The following EVL variants were observed in gnomAD, a reference collection of about 807,000 sequenced individuals.
EVL encodes the protein ena/VASP-like protein.
Under a neutral mutation model 59.6 loss-of-function variants are expected in EVL, and 21 were observed. The observed-to-expected ratio is 0.35, with a 90% confidence interval of 0.25 to 0.51. The LOEUF (loss-of-function observed/expected upper bound fraction) is 0.51. Ranked by LOEUF, EVL falls within the 20% of genes least tolerant of loss-of-function variation. The probability of loss-of-function intolerance (pLI) is 0.97; values close to 1 mark genes in which losing one functional copy is unlikely to be tolerated. For missense variants in EVL, 462 were observed against 546.6 expected, an observed-to-expected ratio of 0.85 and a Z score of 1.54; for synonymous variants, 198 against 203.5, an observed-to-expected ratio of 0.97 and a Z score of 0.23.
At chr14:100,065,263 T>C, upstream of EVL, 1 of 257,280 alleles carries the variant, frequency 3.9e-6, no homozygotes. Context: ...CCGCCCACGC[T>C]GGTGGGGCTC....
Position 100,006,018 on chromosome 14 carries a change from C to G in EVL, c.5+33961C>G, listed in dbSNP as rs796381665. On this transcript the variant is annotated intron_variant, in intron 1 of 13. Coordinates refer to the EVL transcript ENST00000402714. Reference sequence around the variant, plus strand: ...CCTTTTGCTGGCCATTTCCCCCCCCCCCCCCACACCGACAACACTTTTGTG... The same window carrying G: ...CCTTTTGCTGGCCATTTCCCCCCCCGCCCCCACACCGACAACACTTTTGTG... 2.2e-4 allele frequency among the ~76,000 whole-genome samples: 33 copies of G among 147,762 alleles called. No homozygotes were observed. The East Asian group carries it at 2.5e-3, about 11-fold the overall frequency.
chr14:100,059,936 G>A (rs919847805), intron 1 of EVL, among the ~76,000 whole-genome samples: 5 of 152,132 alleles, frequency 3.3e-5, no homozygotes, highest in Non-Finnish European at 7.3e-5. Context: ...ACAATCATAA[G>A]TTAGTAGACA....
At chr14:99,974,846 T>G (rs905363692) in intron 1 of EVL, 1 of 152,344 alleles carries the variant, frequency 6.6e-6, no homozygotes, top group Non-Finnish European at 1.5e-5. Flanking sequence ...CACTGGCCAG[T>G]GCAAGTCTCC....
At chr14:100,017,141 C>G (rs990446365) in intron 1 of EVL, among the ~76,000 whole-genome samples, 1 of 152,206 alleles carries the variant, frequency 6.6e-6, no homozygotes, top group African/African-American at 2.4e-5. Flanking sequence ...CCTCTGTCTT[C>G]TATTAGTAAG....
In EVL at chr14:100,144,105, C is replaced by G. The variant is rs762911938; in HGVS notation, c.*367C>G. 11 of 327,252 alleles carry G rather than the reference C, an allele frequency of 3.4e-5. No individual in the cohort carries two copies. The highest frequency in any genetic ancestry group is 4.6e-5 in the Non-Finnish European group (8 of 174,880). 20.3% of individuals were successfully genotyped at this position (327,252 alleles called of 1,614,324 possible). A position where few individuals can be genotyped will look rare whatever the true frequency, so the allele number is the denominator to read the frequency against. On this transcript the variant is annotated 3_prime_UTR_variant, in exon 14 of 14. Coordinates refer to ENST00000392920, the MANE Select transcript of EVL (RefSeq NM_016337.3). ...GCCTCAGCTGGCGGTGACAGCCGGC[C>G]CAGCGTGGCGCCACCACACACCGCA...
At chr14:100,030,363 A>G (rs1257797180) in intron 1 of EVL, among the ~76,000 whole-genome samples, 1 of 152,040 alleles carries the variant, frequency 6.6e-6, no homozygotes, top group Non-Finnish European at 1.5e-5. Flanking sequence ...CAGCCTCCCA[A>G]AGGGTTGGGA....
intron 1 of EVL, among the ~76,000 whole-genome samples, chr14:99,982,298 T>C (rs935524940): frequency 3.3e-5 from 5 of 152,234 alleles, no homozygotes; most frequent in African/African-American, 9.6e-5. Context: ...TAAATATTCT[T>C]TGAAAACAGT....
intron 3 of EVL, chr14:100,102,453 T>G (rs1886282429): frequency 1.1e-5 from 5 of 443,022 alleles, no homozygotes; most frequent in South Asian, 7.9e-5. Flanking sequence ...TGTCTACATT[T>G]TAGGAGTTGT....
intron 13 of EVL, chr14:100,142,133 G>A (rs998652065): frequency 9.9e-6 from 2 of 201,146 alleles, no homozygotes; most frequent in African/African-American, 4.6e-5. Flanking sequence ...CTGAGCTGCT[G>A]TCATTCCACC....
chr14:100,000,948 G>T (rs184115226), intron 1 of EVL, among the ~76,000 whole-genome samples: 1 of 152,264 alleles, frequency 6.6e-6, no homozygotes, highest in Non-Finnish European at 1.5e-5. Flanking sequence ...TCCTAGACAG[G>T]TAGGTCCTGA....
chr14:100,061,336 G>T (rs1373025512), upstream of EVL, among the ~76,000 whole-genome samples: 2 of 146,572 alleles, frequency 1.4e-5, no homozygotes, highest in East Asian at 4.1e-4. Flanking sequence ...GATCATTTGA[G>T]CCTGGGAGGC....
chr14:100,132,580 C>T lies in EVL; in HGVS notation c.840-139C>T, dbSNP rs116685806. On this transcript the variant is annotated intron_variant, in intron 7 of 13. Coordinates refer to ENST00000392920, the MANE Select transcript of EVL (RefSeq NM_016337.3). ...CTCACCAGACGGGGCCTAGACAAGCCGCCTCCTTCACGCCATCGTTTTCCC... is the reference window on the plus strand; with the variant it reads ...CTCACCAGACGGGGCCTAGACAAGCTGCCTCCTTCACGCCATCGTTTTCCC... 2,433 of 950,612 alleles carry T rather than the reference C, an allele frequency of 2.6e-3. 33 individuals carry two copies. In the African/African-American group the frequency reaches 0.03, roughly 12 times the overall value. The allele number at this position is 950,612 out of a possible 1,614,324, so 58.9% of individuals were successfully genotyped here. A position where few individuals can be genotyped will look rare whatever the true frequency, so the allele number is the denominator to read the frequency against.
At position 100,129,640 on chromosome 14, in the gene EVL, C is replaced by T. The variant is rs765988507; in HGVS notation, c.795C>T (p.Gly265=). 3.7e-5 allele frequency: 59 copies of T among 1,606,218 alleles called. No homozygotes were observed. Among genetic ancestry groups the T allele is most frequent in the African/African-American group, 8.0e-5 (6 of 74,822 alleles). ...CCAACCGGGCAAGCAGCGGGGGTGG[C>T]GGAGGAGGCCTCATGGAGGAAATGA... The part of the protein sequence containing the change: ...SDANRASSGG[G]GGGLMEEMNK... The change falls in exon 7 of 14, where the codon GGC becomes GGT. Residue 265 remains glycine, a synonymous_variant. Coordinates refer to ENST00000392920, the MANE Select transcript of EVL (RefSeq NM_016337.3).
chr14:100,125,654 C>G (rs914073478), intron 4 of EVL, among the ~76,000 whole-genome samples: 2 of 151,654 alleles, frequency 1.3e-5, no homozygotes, highest in African/African-American at 4.9e-5. Flanking sequence ...TTCCTGGGTT[C>G]AAGAGATTCT....
At chr14:100,019,504 G>A in intron 1 of EVL, 1 of 587,744 alleles carries the variant, frequency 1.7e-6, no homozygotes, top group Non-Finnish European at 2.9e-6. Context: ...GCTGGAGGCT[G>A]CAGGCCCCTG....
At chr14:100,070,595 G>A (rs2062029105) in intron 1 of EVL, among the ~76,000 whole-genome samples, 1 of 152,222 alleles carries the variant, frequency 6.6e-6, no homozygotes, top group Non-Finnish European at 1.5e-5. Flanking sequence ...CTCTTTCAGA[G>A]CAGGACGCTT....
intron 1 of EVL, among the ~76,000 whole-genome samples, chr14:100,080,480 A>C (rs920298120): frequency 1.3e-5 from 2 of 152,170 alleles, no homozygotes; most frequent in African/African-American, 2.4e-5. Flanking sequence ...GGTCAGACTC[A>C]CCTTGTACAG....
intron 7 of EVL, among the ~76,000 whole-genome samples, chr14:100,131,890 G>C (rs75994743): frequency 6.6e-6 from 1 of 152,180 alleles, no homozygotes; most frequent in African/African-American, 2.4e-5. Flanking sequence ...GGGAGCTAAA[G>C]AAGGGGGCCC....
At chr14:99,971,864 C>G (rs1279285790) in exon 1 of EVL, 1 of 147,422 alleles carries the variant, frequency 6.8e-6, no homozygotes, top group Non-Finnish European at 1.5e-5. Context: ...GCGGCCCTTC[C>G]CCGCAGCTAG....
Sources: allele counts gnomAD v4.1 joint callset (sites outside exome capture counted in the v4.1 genomes callset), GRCh38; gene constraint gnomAD v4.1.1; transcripts MANE v1.5; gene names NCBI Gene and HGNC (gene_info 2026-07-23, HGNC 2026-07-21).